COG6: variants seen among roughly 807,000 people sequenced by gnomAD.
COG6 encodes the protein component of oligomeric golgi complex 6.
Under a neutral mutation model 88.8 loss-of-function variants are expected in COG6, and 74 were observed. That is an observed-to-expected ratio of 0.83 (90% CI 0.69 to 1.01). The LOEUF (loss-of-function observed/expected upper bound fraction) is 1.01, where lower values mean the gene tolerates loss of function less well. Among genes scored for constraint, COG6 ranks in the 50% least tolerant of loss-of-function variants. COG6 has a pLI of 0.00. For synonymous variants in COG6, 286 were observed against 278.7 expected, an observed-to-expected ratio of 1.03 and a Z score of -0.26; for missense variants, 800 against 797.9, an observed-to-expected ratio of 1.00 and a Z score of -0.03.
intron 18 of COG6, among the ~76,000 whole-genome samples, chr13:39,781,027 G>A (rs1248334615): frequency 6.6e-6 from 1 of 152,122 alleles, no homozygotes. Context: ...TTATATCAAC[G>A]GTTCTGAATT....
At chr13:39,716,667 G>A (rs1179292800) in intron 13 of COG6, among the ~76,000 whole-genome samples, 2 of 151,768 alleles carry the variant, frequency 1.3e-5, no homozygotes, top group African/African-American at 4.8e-5. Flanking sequence ...GTGGGTATAG[G>A]GTTAGTTATA....
rs764931495 is a variant in COG6, at chr13:39,752,005, A to G, written c.*912A>G. On this transcript the variant is annotated 3_prime_UTR_variant, in exon 19 of 19. Transcript: ENST00000455146. The stretch of plus-strand genomic sequence containing the variant: ...CATTGGAGAAAAAAACTGCCAGAGG[A>G]GGAGTTGCCAATTGGCAGTGTGTCT... 8.0e-7 allele frequency: 1 copy of G among 1,252,064 alleles called. No homozygotes were observed. The highest frequency in any genetic ancestry group is 1.2e-5 in the South Asian group (1 of 80,206). The allele number at this position is 1,252,064 out of a possible 1,614,324, so 77.6% of individuals were successfully genotyped here. A position where few individuals can be genotyped will look rare whatever the true frequency, so the allele number is the denominator to read the frequency against.
At chr13:39,683,895 A>C (rs1234276492) in intron 8 of COG6, among the ~76,000 whole-genome samples, 1 of 152,166 alleles carries the variant, frequency 6.6e-6, no homozygotes, top group East Asian at 1.9e-4. Flanking sequence ...TGGGTTCTTG[A>C]GTCAAATTTC....
downstream of COG6, among the ~76,000 whole-genome samples, chr13:39,757,270 C>T (rs548369793): frequency 6.6e-6 from 1 of 152,228 alleles, no homozygotes; most frequent in South Asian, 2.1e-4. Context: ...CTAGAAAATA[C>T]TCTGAGATGA....
chr13:39,788,454 A>T (rs1881842607), exon 19 of COG6: 8 of 1,192,208 alleles, frequency 6.7e-6, no homozygotes, highest in South Asian at 2.7e-5. Flanking sequence ...TGGCTATAGA[A>T]ATGTGGCCAG....
intron 4 of COG6, among the ~76,000 whole-genome samples, chr13:39,668,801 A>AAAT (rs1875438120): frequency 6.6e-6 from 1 of 151,734 alleles, no homozygotes; most frequent in Non-Finnish European, 1.5e-5. Flanking sequence ...AAAAAAAAAA[A>AAAT]AGAAAAGAAA....
chr13:39,752,641 A>G (rs1880702868), downstream of COG6: 3 of 1,258,862 alleles, frequency 2.4e-6, no homozygotes, highest in Non-Finnish European at 2.0e-6. Context: ...TAGAGCAGCA[A>G]TTATTGCAGC....
At chr13:39,693,547 C>A (rs1198472654) in intron 11 of COG6, among the ~76,000 whole-genome samples, 1 of 151,670 alleles carries the variant, frequency 6.6e-6, no homozygotes, top group African/African-American at 2.4e-5. Flanking sequence ...ACTGTTAAGG[C>A]CTTGATTTAA....
intron 2 of COG6, 88 bp downstream of exon 2, chr13:39,659,595 A>G (rs1468097191): frequency 8.7e-7 from 1 of 1,150,542 alleles, no homozygotes; most frequent in Non-Finnish European, 1.3e-6. Context: ...TTAGGTTGAT[A>G]TGTTTGCTAT....
downstream of COG6, among the ~76,000 whole-genome samples, chr13:39,757,131 A>G (rs1234160438): frequency 6.6e-6 from 1 of 152,210 alleles, no homozygotes; most frequent in Non-Finnish European, 1.5e-5. Context: ...GAAATTATAC[A>G]AAGTATGTTT....
At chr13:39,715,490 G>T (rs916188755) in intron 13 of COG6, among the ~76,000 whole-genome samples, 1 of 151,710 alleles carries the variant, frequency 6.6e-6, no homozygotes, top group Non-Finnish European at 1.5e-5. Context: ...GTTTGCTCTG[G>T]TTTCTATAGC....
At chr13:39,758,218 C>CAAAAAAAA (rs34210362) in intron 18 of COG6, among the ~76,000 whole-genome samples, 6 of 55,808 alleles carry the variant, frequency 1.1e-4, no homozygotes, top group Non-Finnish European at 1.7e-4. Context: ...GATGCCTTCT[C>CAAAAAAAA]AAAAAAAAAA....
chr13:39,717,727 T>G (rs1009088859), intron 13 of COG6, among the ~76,000 whole-genome samples: 1 of 152,002 alleles, frequency 6.6e-6, no homozygotes, highest in Admixed American at 6.6e-5. Flanking sequence ...TAGCGAGGCT[T>G]GGTGGCATGT....
intron 17 of COG6, among the ~76,000 whole-genome samples, chr13:39,726,341 A>G (rs115593746): frequency 2.0e-5 from 3 of 152,106 alleles, no homozygotes; most frequent in African/African-American, 2.4e-5. Flanking sequence ...GAAAACAGAT[A>G]TGATCTAGTA....
At chr13:39,691,727 T>C (rs1317310154) in intron 11 of COG6, among the ~76,000 whole-genome samples, 4 of 151,914 alleles carry the variant, frequency 2.6e-5, no homozygotes, top group Non-Finnish European at 4.4e-5. Context: ...TTCAGTGAGA[T>C]AGTTGTTAGT....
At chr13:39,744,051 C>T (rs1471797924) in intron 18 of COG6, among the ~76,000 whole-genome samples, 2 of 152,178 alleles carry the variant, frequency 1.3e-5, no homozygotes, top group Non-Finnish European at 2.9e-5. Context: ...CAAAATTCCA[C>T]AGCCCTTCAT....
chr13:39,730,960 T>TTG (rs1305895266), intron 18 of COG6, among the ~76,000 whole-genome samples: 2 of 151,590 alleles, frequency 1.3e-5, no homozygotes, highest in African/African-American at 4.8e-5. Flanking sequence ...TAGTTGGGAC[T>TTG]ACAGGTGCAT....
At chr13:39,701,445 A>AT (rs754864418) in intron 13 of COG6, among the ~76,000 whole-genome samples, 8 of 151,666 alleles carry the variant, frequency 5.3e-5, no homozygotes, top group South Asian at 2.1e-4. Flanking sequence ...ACTAGGAATA[A>AT]TTTTTTTTAT....
At chr13:39,752,663 T>TAAA, downstream of COG6, 1 of 1,223,920 alleles carries the variant, frequency 8.2e-7, no homozygotes, top group Non-Finnish European at 1.0e-6. Context: ...GTCCTGTAGA[T>TAAA]ATATATCCTA....
Sources: allele counts gnomAD v4.1 joint callset (sites outside exome capture counted in the v4.1 genomes callset), GRCh38; gene constraint gnomAD v4.1.1; transcripts MANE v1.5; gene names NCBI Gene and HGNC (gene_info 2026-07-23, HGNC 2026-07-21).